Variants in SBF1 observed in about 807,000 individuals in gnomAD.
SBF1 encodes SET binding factor 1, also known as myotubularin-related protein 5.
Under a neutral mutation model 215.8 loss-of-function variants are expected in SBF1, and 65 were observed. That is an observed-to-expected ratio of 0.30 (90% confidence interval 0.25 to 0.37). The LOEUF (loss-of-function observed/expected upper bound fraction) is 0.37. Ranked by LOEUF, SBF1 falls within the 10% of genes least tolerant of loss-of-function variation. SBF1 has a pLI of 1.00. For synonymous variants in SBF1, 1,410 were observed against 1,122.8 expected (o/e 1.26, Z -5.11); for missense variants, 2,634 against 2,667.8 (o/e 0.99, Z 0.28).
Position 50,461,939 on chromosome 22 carries a change from C to T in SBF1, c.2569+8G>A, listed in dbSNP as rs898910982. 1.9e-6 allele frequency: 3 copies of T among 1,614,084 alleles called. No homozygotes were observed. Among genetic ancestry groups the T allele is most frequent in the Non-Finnish European group, 2.5e-6 (3 of 1,179,926 alleles). ...CCAAGGGGGAATCACCAGCCCAAAC[C>T]CCCGTACCTGGCACCATGACATGCA... On this transcript the variant is annotated splice_region_variant and intron_variant, in intron 20 of 40. Coordinates refer to ENST00000380817, the MANE Select transcript of SBF1 (RefSeq NM_002972.4).
Position 50,467,960 on chromosome 22 carries a change from C to T in SBF1, c.142-37G>A, listed in dbSNP as rs1443444761. The T allele has an allele frequency of 6.2e-6, 10 of 1,608,298 alleles. No individual in the cohort carries two copies. The Admixed American group carries it at 8.4e-5, about 14-fold the overall frequency. ...GCTCAGCAGTCAGCTCCTCCCCCTA[C>T]ACCTGTGGCAGGAACCAGCCCACCC... On this transcript the variant is annotated intron_variant, in intron 2 of 40. Transcript: ENST00000380817.
In SBF1 at chr22:50,462,055, C is replaced by T. The variant is rs1569512384; in HGVS notation, c.2461G>A (p.Asp821Asn). 3 of 1,614,206 alleles carry T rather than the reference C, an allele frequency of 1.9e-6. No homozygotes were observed. The highest frequency in any genetic ancestry group is 1.1e-5 in the South Asian group (1 of 91,088). ...AAGCGGACCACAGCCCCAGCTACGT[C>T]GCAGGTCTCTGCATCCTCGAAGCCG... ...ESGFEDAETCDVAGAVVRFIN... is the reference protein window; with the variant it reads ...ESGFEDAETCNVAGAVVRFIN... The change falls in exon 20 of 41, where the codon GAC becomes AAC. Residue 821 changes from aspartate (D) to asparagine (N), a missense_variant. Transcript: ENST00000380817.
chr22:50,466,772 G>C (rs1406530950), intron 5 of SBF1, 62 bp from the exon 6 acceptor site: 4 of 1,201,388 alleles, frequency 3.3e-6, no homozygotes, highest in East Asian at 2.6e-5. Context: ...AGTCAGCCCA[G>C]AGCTCTGTGT....
rs760865733 is a variant in SBF1 at position 50,448,437 on chromosome 22, G to C, written c.5159C>G (p.Pro1720Arg). 6.2e-7 allele frequency: 1 copy of C among 1,613,652 alleles called. No homozygotes were observed. The highest frequency in any genetic ancestry group is 2.2e-5 in the East Asian group (1 of 44,876). Residue 1720 changes from proline (P) to arginine (R), a missense_variant, in exon 38 of 41, where the codon CCT (proline) becomes CGT (arginine). Pro to Arg is a moderately radical substitution (Grantham distance 103). Coordinates refer to ENST00000380817, the MANE Select transcript of SBF1 (RefSeq NM_002972.4). The part of the protein sequence containing the change: ...LEGRPDGRGT[P>R]SSLLVSTAPH... ...TGCGGTGGACACAAGGAGGGAGCTAGGGGTGCCCTGGGAACAGGAGGTTGG... is the reference window on the plus strand; with the variant it reads ...TGCGGTGGACACAAGGAGGGAGCTACGGGTGCCCTGGGAACAGGAGGTTGG...
intron 31 of SBF1, chr22:50,455,844 G>C: frequency 1.7e-6 from 1 of 573,356 alleles, no homozygotes; most frequent in Non-Finnish European, 3.1e-6. Context: ...CAAGATGCCG[G>C]TGGCCCTACC....
At chr22:50,463,964 G>A (rs527392860) in intron 15 of SBF1, among the ~76,000 whole-genome samples, 39 of 152,242 alleles carry the variant, frequency 2.6e-4, no homozygotes, top group Admixed American at 8.5e-4. Flanking sequence ...AAGATGCAAG[G>A]AACAGGTCAC....
At position 50,470,822 on chromosome 22, in the gene SBF1, T is replaced by A. The variant is rs528877272; in HGVS notation, c.56-2361A>T. 4.6e-5 allele frequency among the ~76,000 whole-genome samples: 7 copies of A among 152,296 alleles called. No homozygotes were observed. In the South Asian group the frequency reaches 1.4e-3, roughly 32 times the overall value. On this transcript the variant is annotated intron_variant, in intron 1 of 40. Transcript: ENST00000380817. ...GGGCACCTTCCGGAGCCCCAGGGAA[T>A]GACAGAACACAGCTGGCCCCTGGAA...
intron 36 of SBF1, among the ~76,000 whole-genome samples, chr22:50,453,911 C>G (rs114714564): frequency 6.6e-6 from 1 of 152,140 alleles, no homozygotes. Flanking sequence ...ACAGAGACTC[C>G]GGGATGGCCC....
In SBF1 at chr22:50,457,051, C is replaced by T; in HGVS notation, c.3887G>A (p.Arg1296Lys). 2 of 1,458,470 alleles carry T rather than the reference C, an allele frequency of 1.4e-6. No individual in the cohort carries two copies. The highest frequency in any genetic ancestry group is 1.8e-6 in the Non-Finnish European group (2 of 1,110,530). The allele number at this position is 1,458,470 out of a possible 1,614,324, so 90.3% of individuals were successfully genotyped here. A position where few individuals can be genotyped will look rare whatever the true frequency, so the allele number is the denominator to read the frequency against. Reference sequence around the variant, plus strand: ...TACGGTACCTCGGGGTGCGGTCCGTCTGGAGGCCGAGGCCGCCATGGGGTT... The same window carrying T: ...TACGGTACCTCGGGGTGCGGTCCGTTTGGAGGCCGAGGCCGCCATGGGGTT... ...LSNPMAASAS[R>K]RTAPRGKWGS... The change falls in exon 29 of 41, where the codon AGA becomes AAA. Residue 1296 changes from arginine (R) to lysine (K), a missense_variant. By Grantham distance (26) the Arg-to-Lys change is conservative (BLOSUM62 2). Coordinates refer to ENST00000380817, the MANE Select transcript of SBF1 (RefSeq NM_002972.4).
intron 6 of SBF1, 55 bp from the exon 7 acceptor site, chr22:50,466,537 G>A (rs961635285): frequency 3.3e-6 from 5 of 1,530,018 alleles, no homozygotes; most frequent in South Asian, 2.4e-5. Flanking sequence ...CAGGCAGAGT[G>A]AGAACCCACA....
Position 50,465,107 on chromosome 22 carries a change from C to T in SBF1, c.1226G>A (p.Gly409Glu), listed in dbSNP as rs2067690573. ...FHKAAFLGQR[G>E]LVEDDFLMKV... ...CATCAGGAAATCGTCCTCTACCAGC[C>T]CACGCTGGCCCAGGAAGGCTGCCTG... The change falls in exon 12 of 41, where the codon GGG (glycine) becomes GAG (glutamate). Residue 409 changes from glycine (G) to glutamate (E), a missense_variant. Gly to Glu is a moderately conservative substitution (Grantham distance 98). Transcript: ENST00000380817. The T allele has an allele frequency of 6.2e-7, 1 of 1,613,960 alleles. No individual in the cohort carries two copies.
intron 28 of SBF1, among the ~76,000 whole-genome samples, chr22:50,457,791 G>A (rs1415137952): frequency 6.6e-6 from 1 of 152,238 alleles, no homozygotes; most frequent in African/African-American, 2.4e-5. Flanking sequence ...GCCTGGCCCT[G>A]CCCAGGCTCA....
chr22:50,460,715 G>T lies in SBF1; in HGVS notation c.2968-3C>A. 3 of 1,612,214 alleles carry T rather than the reference G, an allele frequency of 1.9e-6. No homozygotes were observed. The highest frequency in any genetic ancestry group is 2.5e-6 in the Non-Finnish European group (3 of 1,179,658). On this transcript the variant is annotated splice_region_variant and splice_polypyrimidine_tract_variant and intron_variant, in intron 23 of 40. Transcript: ENST00000380817. The stretch of plus-strand genomic sequence containing the variant: ...TCGTCAAAGGCCATTTTCAGCAGCT[G>T]TGTCAGTAAAAGCAGCCCTTAGGGG...
At chr22:50,472,104 G>A (rs767560396) in intron 1 of SBF1, among the ~76,000 whole-genome samples, 2 of 152,218 alleles carry the variant, frequency 1.3e-5, no homozygotes, top group African/African-American at 4.8e-5. Flanking sequence ...GCCTGCCCCA[G>A]AGCACAGAAG....
rs200960070 is a variant in SBF1, at chr22:50,466,038, C to T, written c.934G>A (p.Val312Ile). The change falls in exon 9 of 41, where the codon GTC becomes ATC. Residue 312 changes from valine (V) to isoleucine (I), a missense_variant. Physicochemically the swap from Val to Ile is conservative, Grantham distance 29. Transcript: ENST00000380817. ...ATGTGCACACACTCAGGAATGGTGA[C>T]CGTCCCTCCATCCAGATCAGCAACA... ...VIVADLDGGT[V>I]TIPECVHIPP... 57 of 1,613,802 alleles carry T rather than the reference C, an allele frequency of 3.5e-5. No individual in the cohort carries two copies. The highest frequency in any genetic ancestry group is 3.9e-5 in the Non-Finnish European group (46 of 1,180,048).
In SBF1 at chr22:50,460,149, C is replaced by T. The variant is rs373108686; in HGVS notation, c.3294G>A (p.Glu1098=). The T allele has an allele frequency of 2.2e-4, 352 of 1,611,478 alleles. No homozygotes were observed. The highest frequency in any genetic ancestry group is 2.8e-4 in the Non-Finnish European group (329 of 1,179,962). The change falls in exon 26 of 41, where the codon GAG becomes GAA. Residue 1098 remains glutamate, a synonymous_variant. Coordinates refer to ENST00000380817, the MANE Select transcript of SBF1 (RefSeq NM_002972.4). Reference sequence around the variant, plus strand: ...ACGGGGTCAGCGTGCTGGGCTCCAGCTCCTCCGACACTGCACAGGCCGGGC... The same window carrying T: ...ACGGGGTCAGCGTGCTGGGCTCCAGTTCCTCCGACACTGCACAGGCCGGGC... ...DQEDEISVSE[E]LEPSTLTPSS... is the part of the protein sequence containing the mutation.
chr22:50,454,732 G>A lies in SBF1; in HGVS notation c.4823C>T (p.Pro1608Leu). ...CTTCAGGTTGGACACGTTGCTGTAG[G>A]GCCGCAGGACCTGAGGGTGGGCCTG... The part of the protein sequence containing the change: ...YAPEDAEVLR[P>L]YSNVSNLKVW... The change falls in exon 36 of 41, where the codon CCC becomes CTC. Residue 1608 changes from proline (P) to leucine (L), a missense_variant. Pro to Leu is a moderately conservative substitution (Grantham distance 98). Coordinates refer to ENST00000380817, the MANE Select transcript of SBF1 (RefSeq NM_002972.4). The A allele has an allele frequency of 6.4e-7, 1 of 1,574,268 alleles. No individual in the cohort carries two copies. The highest frequency in any genetic ancestry group is 8.6e-7 in the Non-Finnish European group (1 of 1,162,922).
chr22:50,458,838 G>A (rs2067372677), intron 28 of SBF1, among the ~76,000 whole-genome samples: 1 of 152,210 alleles, frequency 6.6e-6, no homozygotes, highest in African/African-American at 2.4e-5. Context: ...GTCTGGATTG[G>A]GGGATGCAGG....
intron 38 of SBF1, 111 bp from the exon 39 acceptor site, chr22:50,447,720 C>A: frequency 1.3e-6 from 1 of 766,508 alleles, no homozygotes; most frequent in Non-Finnish European, 2.2e-6. Context: ...AGACCAGGCA[C>A]CCTGTCCCCA....
Sources: gnomAD v4.1 joint callset for allele counts (sites outside exome capture counted in the v4.1 genomes callset) on GRCh38, gnomAD v4.1.1 for gene constraint, MANE v1.5 for transcripts, NCBI Gene and HGNC (gene_info 2026-07-23, HGNC 2026-07-21) for gene names.